NTM: variants seen among roughly 807,000 people sequenced by gnomAD.
NTM encodes the protein IgLON family member 2.
In NTM, 13 loss-of-function variants were observed where a neutral mutation model predicts 42.1. The ratio of observed to expected loss-of-function variants is 0.31; its 90% CI spans 0.20 to 0.49. NTM has a LOEUF of 0.49. Among genes scored for constraint, NTM ranks in the 20% least tolerant of loss-of-function variants. NTM has a pLI of 0.99. For synonymous variants in NTM, 187 were observed against 179.2 expected, an observed-to-expected ratio of 1.04 and a Z score of -0.35; for missense variants, 373 against 452.8, an observed-to-expected ratio of 0.82 and a Z score of 1.60.
intron 1 of NTM, among the ~76,000 whole-genome samples, chr11:131,855,820 C>G (rs1204537663): frequency 6.6e-6 from 1 of 152,190 alleles, no homozygotes; most frequent in Non-Finnish European, 1.5e-5. Flanking sequence ...ACCCCCACCT[C>G]CCTGCATGGA....
intron 1 of NTM, among the ~76,000 whole-genome samples, chr11:131,867,164 T>A (rs1199339548): frequency 6.6e-6 from 1 of 152,224 alleles, no homozygotes; most frequent in East Asian, 1.9e-4. Flanking sequence ...GTCCTACCCA[T>A]CTGCTATTTA....
chr11:131,771,298 G>T lies in NTM; in HGVS notation c.83-140266G>T, dbSNP rs190948429. 4 of 152,286 alleles carry T rather than the reference G, an allele frequency of 2.6e-5. No individual in the cohort carries two copies. In the East Asian group the frequency reaches 7.7e-4, roughly 29 times the overall value. The allele number at this position is 152,286 out of a possible 1,614,324, so 9.4% of individuals were successfully genotyped here. A position where few individuals can be genotyped will look rare whatever the true frequency, so the allele number is the denominator to read the frequency against. On this transcript the variant is annotated intron_variant, in intron 1 of 8. Transcript: ENST00000683400. ...TGTAAGTGTACTGCTGGATGGGAAG[G>T]TCTCAGGCTTTGTGCTTTGTTCTGT...
At chr11:132,106,623 G>T (rs1234034849) in intron 2 of NTM, among the ~76,000 whole-genome samples, 1 of 152,196 alleles carries the variant, frequency 6.6e-6, no homozygotes, top group Non-Finnish European at 1.5e-5. Flanking sequence ...TCTGTCTTTG[G>T]CATCCCATCT....
chr11:131,660,143 C>CGGGGACTCAGTATCTCAGGGT (rs2067784777), intron 1 of NTM: 1 of 188,598 alleles, frequency 5.3e-6, no homozygotes, highest in Non-Finnish European at 1.2e-5. Flanking sequence ...CCGGGCAAGG[C>CGGGGACTCAGTATCTCAGGGT]GGGGACTCAG....
At position 131,931,438 on chromosome 11, in the gene NTM, CA is replaced by C. The variant is rs891595151; in HGVS notation, c.167+19801del. ...TGGGCTACAGAACAAGACAGTGCCT[CA>C]AAAAAAAAAATAATAATAATAATAT... On this transcript the variant is annotated intron_variant, in intron 2 of 8. Coordinates refer to ENST00000683400, the MANE Select transcript of NTM (RefSeq NM_001352005.2). Among the ~76,000 whole-genome samples the C allele has an allele frequency of 1.6e-3, 223 of 143,046 alleles. 1 individual carries two copies. Among genetic ancestry groups the C allele is most frequent in the African/African-American group, 5.1e-3 (195 of 38,252 alleles). The allele number at this position is 143,046 out of a possible 152,430, so 93.8% of individuals were successfully genotyped here.
At chr11:131,404,434 C>A (rs1945590837) in intron 1 of NTM, among the ~76,000 whole-genome samples, 1 of 152,100 alleles carries the variant, frequency 6.6e-6, no homozygotes, top group Admixed American at 6.5e-5. Context: ...CTTTTGTTTC[C>A]ATCTTCTTCT....
chr11:132,267,907 T>TGGATATATATATGCA (rs2093288248), intron 4 of NTM, among the ~76,000 whole-genome samples: 1 of 152,010 alleles, frequency 6.6e-6, no homozygotes, highest in Admixed American at 6.6e-5. Context: ...CATGAAACTT[T>TGGATATATATATGCA]CTTAATGGAG....
intron 1 of NTM, among the ~76,000 whole-genome samples, chr11:131,553,786 A>G (rs1315620325): frequency 6.6e-6 from 1 of 152,208 alleles, no homozygotes; most frequent in Non-Finnish European, 1.5e-5. Context: ...AAGTTATATC[A>G]TAGTTGTAAG....
At chr11:131,470,167 CT>C (rs1952298490) in intron 1 of NTM, among the ~76,000 whole-genome samples, 1 of 152,154 alleles carries the variant, frequency 6.6e-6, no homozygotes, top group Non-Finnish European at 1.5e-5. Flanking sequence ...TGGTTACTTT[CT>C]CTGTTTTAAA....
chr11:132,087,269 T>A (rs548773395), intron 2 of NTM, among the ~76,000 whole-genome samples: 1 of 152,260 alleles, frequency 6.6e-6, no homozygotes, highest in Non-Finnish European at 1.5e-5. Context: ...ACGTACTGCC[T>A]TTCCCTCTGC....
chr11:131,734,923 A>G (rs138682649), intron 1 of NTM, among the ~76,000 whole-genome samples: 88 of 152,298 alleles, frequency 5.8e-4, no homozygotes, highest in Middle Eastern at 3.4e-3. Context: ...GTGATGACAA[A>G]TACTGAAAAA....
chr11:132,247,594 A>G (rs945965427), intron 4 of NTM, among the ~76,000 whole-genome samples: 1 of 152,192 alleles, frequency 6.6e-6, no homozygotes, highest in African/African-American at 2.4e-5. Context: ...GACTCAAACT[A>G]TACTGGAGAT....
chr11:131,460,168 T>C (rs1951247860), intron 1 of NTM, among the ~76,000 whole-genome samples: 2 of 152,180 alleles, frequency 1.3e-5, no homozygotes, highest in South Asian at 2.1e-4. Context: ...GACAGCGTAA[T>C]GCCCTGCATG....
chr11:131,944,307 C>T (rs1338214621), intron 2 of NTM, among the ~76,000 whole-genome samples: 1 of 152,154 alleles, frequency 6.6e-6, no homozygotes, highest in African/African-American at 2.4e-5. Flanking sequence ...GCTCATATTG[C>T]TTTAGACATA....
rs201799557 is a variant in NTM at position 132,086,385 on chromosome 11, G to GA, written c.168-59888dup. Reference sequence around the variant, plus strand: ...GAGAAAGGTAATTCAGTCGATTGAGGAAAAAAAAACTTTTCTCCAGCAAAA... The same window carrying GA: ...GAGAAAGGTAATTCAGTCGATTGAGGAAAAAAAAAACTTTTCTCCAGCAAAA... On this transcript the variant is annotated intron_variant, in intron 2 of 8. Transcript: ENST00000683400. Among the ~76,000 whole-genome samples, 34 of 149,530 alleles carry GA rather than the reference G, an allele frequency of 2.3e-4. 1 individual carries two copies. In the South Asian group the frequency reaches 2.8e-3, roughly 12 times the overall value.
chr11:131,851,523 T>G (rs2045536294), intron 1 of NTM, among the ~76,000 whole-genome samples: 1 of 143,272 alleles, frequency 7.0e-6, no homozygotes, highest in Non-Finnish European at 1.5e-5. Context: ...CATGCCCTGG[T>G]GAGAATGGCG....
chr11:131,456,731 A>T (rs905327432), intron 1 of NTM, among the ~76,000 whole-genome samples: 10 of 152,218 alleles, frequency 6.6e-5, no homozygotes, highest in African/African-American at 2.4e-4. Flanking sequence ...GGGCTTGTGC[A>T]TGCCTACATT....
At position 131,721,351 on chromosome 11, in the gene NTM, G is replaced by A. The variant is rs1166567555; in HGVS notation, c.83-190213G>A. Among the ~76,000 whole-genome samples, 4 of 152,268 alleles carry A rather than the reference G, an allele frequency of 2.6e-5. No individual in the cohort carries two copies. In the East Asian group the frequency reaches 7.7e-4, roughly 29 times the overall value. ...TTCCTGGTTCCTCTAGCTTCTGGCT[G>A]GAAGGCCTGTGCAAGTTACCAAACC... is the stretch of plus-strand genomic sequence containing the variant. On this transcript the variant is annotated intron_variant, in intron 1 of 8. Transcript: ENST00000683400.
intron 1 of NTM, among the ~76,000 whole-genome samples, chr11:131,567,229 G>A (rs914772410): frequency 6.6e-6 from 1 of 152,130 alleles, no homozygotes; most frequent in Non-Finnish European, 1.5e-5. Context: ...AGTGGCTCAC[G>A]CATGTAATTC....
Sources: gnomAD v4.1 joint callset for allele counts (sites outside exome capture counted in the v4.1 genomes callset) on GRCh38, gnomAD v4.1.1 for gene constraint, MANE v1.5 for transcripts, NCBI Gene and HGNC (gene_info 2026-07-23, HGNC 2026-07-21) for gene names.